The following STYK1 variants were observed in gnomAD, a reference collection of about 807,000 sequenced individuals.
STYK1 encodes tyrosine-protein kinase STYK1.
Under a neutral mutation model 48.1 loss-of-function variants are expected in STYK1, and 46 were observed. The ratio of observed to expected loss-of-function variants is 0.96; its 90% CI spans 0.75 to 1.22. STYK1 has a LOEUF of 1.22. Ranked by LOEUF, STYK1 falls within the 50% of genes most tolerant of loss-of-function variation. STYK1 has a pLI of 0.00. For missense variants in STYK1, 527 were observed against 521.1 expected (o/e 1.01, Z -0.11); for synonymous variants, 188 against 189.0 (o/e 0.99, Z 0.04).
At chr12:10,673,243 G>C (rs1947908167) in intron 1 of STYK1, among the ~76,000 whole-genome samples, 1 of 152,138 alleles carries the variant, frequency 6.6e-6, no homozygotes. Flanking sequence ...CGGCCGTGGT[G>C]GTGGGAGCCT....
At position 10,634,239 on chromosome 12, in the gene STYK1, C is replaced by T. The variant is rs1327495289; in HGVS notation, c.53-115G>A. ...ATCATACATGAAAAGGTCATCTCTT[C>T]TACCATCTCCTCTACTTCCATTCAA... On this transcript the variant is annotated intron_variant, in intron 3 of 10. Coordinates refer to ENST00000075503, the MANE Select transcript of STYK1 (RefSeq NM_018423.3). 3.3e-6 allele frequency: 4 copies of T among 1,201,390 alleles called. No homozygotes were observed. The Admixed American group carries it at 9.1e-5, about 27-fold the overall frequency. 74.4% of individuals were successfully genotyped at this position (1,201,390 alleles called of 1,614,324 possible).
chr12:10,657,378 T>A (rs1259445649), intron 1 of STYK1, among the ~76,000 whole-genome samples: 1 of 152,246 alleles, frequency 6.6e-6, no homozygotes, highest in African/African-American at 2.4e-5. Flanking sequence ...GTAACATTTA[T>A]ATATGAAAGA....
At chr12:10,642,618 T>G (rs910936943) in intron 1 of STYK1, among the ~76,000 whole-genome samples, 4 of 152,178 alleles carry the variant, frequency 2.6e-5, no homozygotes, top group African/African-American at 7.2e-5. Context: ...TATCTAAATA[T>G]TTATAATATT....
chr12:10,667,310 T>C (rs1276901858), intron 1 of STYK1: 1 of 152,128 alleles, frequency 6.6e-6, no homozygotes, highest in East Asian at 1.9e-4. Context: ...TCTGACCATG[T>C]CAATTGTTAA....
intron 1 of STYK1, among the ~76,000 whole-genome samples, chr12:10,639,254 T>C (rs2120683960): frequency 6.6e-6 from 1 of 152,326 alleles, no homozygotes; most frequent in African/African-American, 2.4e-5. Flanking sequence ...AATTACTTGT[T>C]ACCAACATCC....
At chr12:10,649,433 A>AGCAATTTGTAATGTTAGTGGGTT (rs1947635828) in intron 1 of STYK1, among the ~76,000 whole-genome samples, 1 of 152,234 alleles carries the variant, frequency 6.6e-6, no homozygotes, top group East Asian at 1.9e-4. Flanking sequence ...TTTAATAAAC[A>AGCAATTTGTAATGTTAGTGGGTT]GCAATTTGTA....
At chr12:10,621,145 C>A (rs1301449318) in intron 10 of STYK1, among the ~76,000 whole-genome samples, 1 of 152,180 alleles carries the variant, frequency 6.6e-6, no homozygotes, top group Non-Finnish European at 1.5e-5. Context: ...CTAATAAAAA[C>A]ATTAATATAT....
intron 7 of STYK1, 67 bp from the exon 8 acceptor site, chr12:10,624,926 G>A (rs1421267292): frequency 7.1e-7 from 1 of 1,410,840 alleles, no homozygotes; most frequent in East Asian, 2.3e-5. Flanking sequence ...ACAAGGAGAG[G>A]CAGTCCTAGG....
At chr12:10,632,939 G>C (rs1460093729) in intron 4 of STYK1, among the ~76,000 whole-genome samples, 1 of 152,174 alleles carries the variant, frequency 6.6e-6, no homozygotes, top group Non-Finnish European at 1.5e-5. Context: ...GGACATTTAT[G>C]AGAGAATTTC....
intron 1 of STYK1, among the ~76,000 whole-genome samples, chr12:10,661,128 C>G (rs1368661869): frequency 6.6e-6 from 1 of 151,926 alleles, no homozygotes. Flanking sequence ...AAAAACGTCT[C>G]AAGAAAAAAG....
At chr12:10,623,248 T>C (rs935948617) in intron 8 of STYK1, among the ~76,000 whole-genome samples, 12 of 152,234 alleles carry the variant, frequency 7.9e-5, no homozygotes, top group Non-Finnish European at 1.8e-4. Flanking sequence ...CATTATTGAA[T>C]GATTAATATT....
chr12:10,632,080 G>C (rs984005396), intron 4 of STYK1, among the ~76,000 whole-genome samples: 2 of 151,982 alleles, frequency 1.3e-5, no homozygotes, highest in Non-Finnish European at 2.9e-5. Context: ...AGCTGAGTGT[G>C]ATGCCATGAG....
chr12:10,620,443 A>G, intron 10 of STYK1, 95 bp from the exon 11 acceptor site: 1 of 1,115,110 alleles, frequency 9.0e-7, no homozygotes, highest in East Asian at 2.4e-5. Context: ...ACAACTCTGC[A>G]ATTCTTTAAT....
At chr12:10,621,652 G>A (rs886222484) in intron 10 of STYK1, among the ~76,000 whole-genome samples, 2 of 152,054 alleles carry the variant, frequency 1.3e-5, no homozygotes, top group Non-Finnish European at 2.9e-5. Context: ...GTGTGTGTAT[G>A]TGTGTGAGTA....
Position 10,620,454 on chromosome 12 carries a change from T to A in STYK1, c.1065-106A>T, listed in dbSNP as rs562004770. On this transcript the variant is annotated intron_variant, in intron 10 of 10. Transcript: ENST00000075503. ...ACAAACAACTCTGCAATTCTTTAAT[T>A]GTCTTCTGTTTGCCCTGTTACTCAT... 7.6e-5 allele frequency: 78 copies of A among 1,027,806 alleles called. No homozygotes were observed. In the African/African-American group the frequency reaches 1.2e-3, roughly 15 times the overall value. 63.7% of individuals were successfully genotyped at this position (1,027,806 alleles called of 1,614,324 possible).
At chr12:10,632,822 T>C (rs909861584) in intron 4 of STYK1, among the ~76,000 whole-genome samples, 3 of 152,008 alleles carry the variant, frequency 2.0e-5, no homozygotes, top group Non-Finnish European at 2.9e-5. Context: ...GAAAACACAG[T>C]CTCAAACTGT....
At chr12:10,652,261 A>T (rs1464065965) in intron 1 of STYK1, among the ~76,000 whole-genome samples, 1 of 152,050 alleles carries the variant, frequency 6.6e-6, no homozygotes, top group African/African-American at 2.4e-5. Context: ...TCTCTCTCTC[A>T]CACACATTCT....
At chr12:10,665,647 C>A (rs1045529356) in intron 1 of STYK1, among the ~76,000 whole-genome samples, 2 of 152,206 alleles carry the variant, frequency 1.3e-5, no homozygotes, top group Admixed American at 6.5e-5. Context: ...TCTTCTGGAA[C>A]TTTGGGATGC....
Position 10,633,799 on chromosome 12 carries a change from G to A in STYK1, c.187+191C>T, listed in dbSNP as rs548370005. Among the ~76,000 whole-genome samples, 5 of 152,212 alleles carry A rather than the reference G, an allele frequency of 3.3e-5. No homozygotes were observed. The South Asian group carries it at 8.3e-4, about 25-fold the overall frequency. Reference sequence around the variant, plus strand: ...CACTCTTTTTTCAGTCAGTAAGCACGTGTTGAATTCCAACTCGGGAATTCC... The same window carrying A: ...CACTCTTTTTTCAGTCAGTAAGCACATGTTGAATTCCAACTCGGGAATTCC... On this transcript the variant is annotated intron_variant, in intron 4 of 10. Transcript: ENST00000075503.
Sources: allele counts gnomAD v4.1 joint callset (sites outside exome capture counted in the v4.1 genomes callset), GRCh38; gene constraint gnomAD v4.1.1; transcripts MANE v1.5; gene names NCBI Gene and HGNC (gene_info 2026-07-23, HGNC 2026-07-21).